The following RPA1 variants were observed in gnomAD, a reference collection of about 807,000 sequenced individuals.
The protein encoded by RPA1 is replication protein A 70 kDa DNA-binding subunit.
In RPA1, 49 loss-of-function variants were observed where a neutral mutation model predicts 83.0. The observed-to-expected ratio is 0.59, with a 90% confidence interval of 0.47 to 0.75. The LOEUF is 0.75. RPA1 is among the 30% of genes least tolerant of loss of function. RPA1 has a pLI of 0.00. For synonymous variants in RPA1, 279 were observed against 281.8 expected, an observed-to-expected ratio of 0.99 and a Z score of 0.10; for missense variants, 693 against 776.1, an observed-to-expected ratio of 0.89 and a Z score of 1.27.
chr17:1,832,378 AT>A (rs1911653090), intron 1 of RPA1, among the ~76,000 whole-genome samples: 1 of 151,274 alleles, frequency 6.6e-6, no homozygotes, highest in African/African-American at 2.4e-5. Flanking sequence ...TCATTCACTT[AT>A]TGAATTATTT....
At chr17:1,832,286 A>G (rs1377507072) in intron 1 of RPA1, among the ~76,000 whole-genome samples, 1 of 151,904 alleles carries the variant, frequency 6.6e-6, no homozygotes, top group Non-Finnish European at 1.5e-5. Flanking sequence ...TCTTCCCCAC[A>G]CTGGCAAACA....
At chr17:1,875,920 CTCTT>C in intron 7 of RPA1, 127 bp downstream of exon 7, 1 of 660,044 alleles carries the variant, frequency 1.5e-6, no homozygotes, top group Non-Finnish European at 2.1e-6. Flanking sequence ...AATGGGTTTA[CTCTT>C]TTTTTTTTTT....
chr17:1,831,765 A>AT (rs546771069), intron 1 of RPA1, among the ~76,000 whole-genome samples: 1 of 150,820 alleles, frequency 6.6e-6, no homozygotes, highest in Non-Finnish European at 1.5e-5. Context: ...CGCCCGGCTA[A>AT]TTTTTTGTAT....
chr17:1,853,370 G>C (rs1404696394), intron 5 of RPA1, among the ~76,000 whole-genome samples, 181 bp downstream of exon 5: 1 of 152,176 alleles, frequency 6.6e-6, no homozygotes, highest in Admixed American at 6.5e-5. Flanking sequence ...TATGAAGAAA[G>C]GGCACAATTA....
chr17:1,853,017 A>T lies in RPA1; in HGVS notation c.273-84A>T. On this transcript the variant is annotated intron_variant, in intron 4 of 16. Coordinates refer to ENST00000254719, the MANE Select transcript of RPA1 (RefSeq NM_002945.5). ...AAATGGAAAATAGTTCATCACAATG[A>T]TCATCGGGGAAAGCATTTTGAGTAG... 3 of 1,006,786 alleles carry T rather than the reference A, an allele frequency of 3.0e-6. No individual in the cohort carries two copies. The South Asian group carries it at 4.0e-5, about 13-fold the overall frequency. The allele number at this position is 1,006,786 out of a possible 1,614,324, so 62.4% of individuals were successfully genotyped here. A position where few individuals can be genotyped will look rare whatever the true frequency, so the allele number is the denominator to read the frequency against.
chr17:1,879,232 A>G lies in RPA1; in HGVS notation c.777A>G (p.Lys259=), dbSNP rs1160176714. 2 of 1,613,880 alleles carry G rather than the reference A, an allele frequency of 1.2e-6. No individual in the cohort carries two copies. Among genetic ancestry groups the G allele is most frequent in the South Asian group, 2.2e-5 (2 of 91,076 alleles). ...IEVNKVYYFS[K]GTLKIANKQF... Reference sequence around the variant, plus strand: ...CTTCGCAGGTGTATTATTTCTCGAAAGGCACCCTGAAGATTGCTAACAAGC... The same window carrying G: ...CTTCGCAGGTGTATTATTTCTCGAAGGGCACCCTGAAGATTGCTAACAAGC... The change falls in exon 10 of 17, where the codon AAA becomes AAG. Residue 259 remains lysine, a synonymous_variant. Coordinates refer to ENST00000254719, the MANE Select transcript of RPA1 (RefSeq NM_002945.5).
rs1232282060 is a variant in RPA1, at chr17:1,899,417, G to C, written c.*2242G>C. On this transcript the variant is annotated 3_prime_UTR_variant, in exon 17 of 17. Coordinates refer to ENST00000254719, the MANE Select transcript of RPA1 (RefSeq NM_002945.5). ...TAGGAGAAAAAAATCTAATCATTTC[G>C]CCTTTATTTCAAGTGGTTCTTGAAT... 6.6e-6 allele frequency: 1 copy of C among 152,316 alleles called. No homozygotes were observed. Among genetic ancestry groups the C allele is most frequent in the Non-Finnish European group, 1.5e-5 (1 of 68,032 alleles). The allele number at this position is 152,316 out of a possible 1,614,324, so 9.4% of individuals were successfully genotyped here.
rs371704414 is a variant in RPA1 at position 1,897,105 on chromosome 17, T to G, written c.1781T>G (p.Val594Gly). ...ESRIKATVMD[V>G]KPVDYREYGR... ...CGAATTAAGGCCACTGTGATGGACG[T>G]GAAGCCCGTGGACTACAGAGAGTAT... Residue 594 changes from valine (V) to glycine (G), a missense_variant, in exon 17 of 17, where the codon GTG becomes GGG. Val to Gly is a moderately radical substitution (Grantham distance 109). Coordinates refer to ENST00000254719, the MANE Select transcript of RPA1 (RefSeq NM_002945.5). The G allele has an allele frequency of 3.8e-6, 6 of 1,573,558 alleles. No individual in the cohort carries two copies. Among genetic ancestry groups the G allele is most frequent in the Admixed American group, 1.9e-5 (1 of 54,000 alleles).
At chr17:1,866,478 C>A (rs936408185) in intron 5 of RPA1, among the ~76,000 whole-genome samples, 5 of 152,080 alleles carry the variant, frequency 3.3e-5, no homozygotes, top group Non-Finnish European at 5.9e-5. Context: ...CCACGCCCGG[C>A]TAAATTTTTT....
At position 1,842,704 on chromosome 17, in the gene RPA1, C is replaced by T. The variant is rs1912099092; in HGVS notation, c.34-99C>T. 1.2e-5 allele frequency: 13 copies of T among 1,042,972 alleles called. 1 individual carries two copies. The South Asian group carries it at 1.8e-4, about 15-fold the overall frequency. The allele number at this position is 1,042,972 out of a possible 1,614,324, so 64.6% of individuals were successfully genotyped here. ...ACAGGCTCTGAATAGGCTCTTTTAA[C>T]AATCTTATCTATATATTCCAAATAC... On this transcript the variant is annotated intron_variant, in intron 1 of 16. Transcript: ENST00000254719.
At chr17:1,873,992 C>CAAAAA (rs71150832) in intron 6 of RPA1, among the ~76,000 whole-genome samples, 49 of 45,414 alleles carry the variant, frequency 1.1e-3, no homozygotes, top group Non-Finnish European at 1.3e-3. Context: ...GACTCTGTCT[C>CAAAAA]AAAAAAAAAA....
chr17:1,844,797 G>C, intron 4 of RPA1, 111 bp downstream of exon 4: 1 of 720,460 alleles, frequency 1.4e-6, no homozygotes, highest in South Asian at 2.2e-5. Context: ...TTTCAGTTAA[G>C]AACTCAGGTA....
chr17:1,864,293 T>C (rs1913097631), intron 5 of RPA1, among the ~76,000 whole-genome samples: 1 of 152,230 alleles, frequency 6.6e-6, no homozygotes, highest in African/African-American at 2.4e-5. Context: ...TCCCAGCACT[T>C]TGGGAGGCTG....
intron 1 of RPA1, among the ~76,000 whole-genome samples, chr17:1,842,063 T>G (rs1912067068): frequency 6.6e-6 from 1 of 152,132 alleles, no homozygotes; most frequent in Non-Finnish European, 1.5e-5. Context: ...GCTATGTTGC[T>G]TAGGCTGGTC....
chr17:1,842,798 C>A lies in RPA1; in HGVS notation c.34-5C>A, dbSNP rs17338572. The A allele has an allele frequency of 2.1e-3, 3,311 of 1,613,908 alleles. 66 individuals are homozygous for A. The African/African-American group carries it at 0.039, about 19-fold the overall frequency. On this transcript the variant is annotated splice_region_variant and splice_polypyrimidine_tract_variant and intron_variant, in intron 1 of 16. Coordinates refer to ENST00000254719, the MANE Select transcript of RPA1 (RefSeq NM_002945.5). ...TCTCACACAAACCTGTTTTTACTCCCTCAGGCCATCATGCAGAAGGGGGAT... is the reference window on the plus strand; with the variant it reads ...TCTCACACAAACCTGTTTTTACTCCATCAGGCCATCATGCAGAAGGGGGAT...
intron 5 of RPA1, among the ~76,000 whole-genome samples, chr17:1,860,970 G>A (rs370046057): frequency 3.9e-5 from 6 of 152,066 alleles, no homozygotes; most frequent in Admixed American, 2.0e-4. Flanking sequence ...ATACTGAATC[G>A]AGACCTGACA....
intron 4 of RPA1, among the ~76,000 whole-genome samples, chr17:1,847,432 G>A (rs757393533): frequency 5.3e-5 from 8 of 152,216 alleles, no homozygotes; most frequent in Non-Finnish European, 1.0e-4. Context: ...CTCCAGTCAC[G>A]GAGACAGCTC....
intron 15 of RPA1, 96 bp from the exon 16 acceptor site, chr17:1,894,913 G>A (rs1914340615): frequency 3.3e-6 from 3 of 906,454 alleles, no homozygotes; most frequent in African/African-American, 3.3e-5. Context: ...AAACTACCCA[G>A]GAGATGCATT....
rs140454438 is a variant in RPA1, at chr17:1,879,323, G to A, written c.868G>A (p.Glu290Lys). ...TAACGAGACTTCCGTCATGCCCTGT[G>A]AGGACGACCATCATTTACCTACGGT... ...FNNETSVMPC[E>K]DDHHLPTVQF... is the part of the protein sequence containing the mutation. Residue 290 changes from glutamate (E) to lysine (K), a missense_variant, in exon 10 of 17, where the codon GAG becomes AAG. Glu to Lys is a moderately conservative substitution (Grantham distance 56). Coordinates refer to ENST00000254719, the MANE Select transcript of RPA1 (RefSeq NM_002945.5). The A allele has an allele frequency of 1.9e-6, 3 of 1,614,100 alleles. No individual in the cohort carries two copies. Among genetic ancestry groups the A allele is most frequent in the Non-Finnish European group, 2.5e-6 (3 of 1,180,058 alleles).
Sources: gnomAD v4.1 joint callset for allele counts (sites outside exome capture counted in the v4.1 genomes callset) on GRCh38, gnomAD v4.1.1 for gene constraint, MANE v1.5 for transcripts, NCBI Gene and HGNC (gene_info 2026-07-23, HGNC 2026-07-21) for gene names.